The following PARD3 variants were observed in gnomAD, a reference collection of about 807,000 sequenced individuals.
PARD3 encodes the protein partitioning defective 3 homolog.
In PARD3, 75 loss-of-function variants were observed where a neutral mutation model predicts 155.4. That is an observed-to-expected ratio of 0.48 (90% CI 0.40 to 0.58). The LOEUF (loss-of-function observed/expected upper bound fraction) is 0.58. PARD3 is among the 20% of genes least tolerant of loss of function. PARD3 has a pLI of 0.00. For missense variants in PARD3, 1,642 were observed against 1,721.7 expected, an observed-to-expected ratio of 0.95 and a Z score of 0.82; for synonymous variants, 576 against 610.5, an observed-to-expected ratio of 0.94 and a Z score of 0.83.
chr10:34,419,353 C>T (rs1365171805), intron 5 of PARD3, among the ~76,000 whole-genome samples: 1 of 151,934 alleles, frequency 6.6e-6, no homozygotes, highest in Non-Finnish European at 1.5e-5. Flanking sequence ...CCCGCCTCTA[C>T]TAAAAATACA....
At chr10:34,802,927 T>C (rs1842949222) in intron 1 of PARD3, among the ~76,000 whole-genome samples, 1 of 151,846 alleles carries the variant, frequency 6.6e-6, no homozygotes, top group African/African-American at 2.4e-5. Flanking sequence ...CAGGTGGTAT[T>C]AAAAGGTAGG....
chr10:34,701,861 TATA>T (rs2094286367), intron 1 of PARD3, among the ~76,000 whole-genome samples: 1 of 152,094 alleles, frequency 6.6e-6, no homozygotes, highest in Admixed American at 6.5e-5. Context: ...GTCTCTAAAA[TATA>T]ATAATAAAAC....
chr10:34,229,961 G>A (rs931745243), intron 22 of PARD3, among the ~76,000 whole-genome samples: 6 of 152,004 alleles, frequency 3.9e-5, no homozygotes, highest in African/African-American at 1.2e-4. Context: ...GCTCTCAAAC[G>A]AATTCCTATT....
At chr10:34,788,011 T>C (rs1449223303) in intron 1 of PARD3, among the ~76,000 whole-genome samples, 8 of 151,104 alleles carry the variant, frequency 5.3e-5, no homozygotes, top group Non-Finnish European at 8.8e-5. Flanking sequence ...AGCGAATTCC[T>C]GGCTTCAAGC....
At chr10:34,791,368 C>T (rs1841595011) in intron 1 of PARD3, among the ~76,000 whole-genome samples, 1 of 152,162 alleles carries the variant, frequency 6.6e-6, no homozygotes, top group Non-Finnish European at 1.5e-5. Flanking sequence ...TCCAAAGCTC[C>T]CCAGCATCCC....
intron 24 of PARD3, among the ~76,000 whole-genome samples, chr10:34,119,146 A>T (rs1448097229): frequency 6.6e-6 from 1 of 152,198 alleles, no homozygotes; most frequent in East Asian, 1.9e-4. Flanking sequence ...GGACAGTAAG[A>T]GAGTGAGGTT....
chr10:34,229,661 CGTGT>C (rs57319517), intron 22 of PARD3, among the ~76,000 whole-genome samples: 3,595 of 145,686 alleles, frequency 0.025, 167 homozygotes, highest in African/African-American at 0.083. Flanking sequence ...GTTGAGGGTG[CGTGT>C]GTGTGTGTGT....
intron 1 of PARD3, among the ~76,000 whole-genome samples, chr10:34,769,870 C>T: frequency 6.6e-6 from 1 of 151,202 alleles, no homozygotes; most frequent in Non-Finnish European, 1.5e-5. Flanking sequence ...AATTCATACA[C>T]ACACACACAC....
At chr10:34,477,064 A>G (rs2078759414) in intron 3 of PARD3, among the ~76,000 whole-genome samples, 1 of 152,190 alleles carries the variant, frequency 6.6e-6, no homozygotes, top group Non-Finnish European at 1.5e-5. Context: ...TGAATAAAAC[A>G]TGATCTTCTC....
chr10:34,516,553 C>T (rs567385143), intron 3 of PARD3, among the ~76,000 whole-genome samples: 7 of 152,230 alleles, frequency 4.6e-5, no homozygotes, highest in South Asian at 4.1e-4. Context: ...TTTGACACGG[C>T]GGTCTCTTCT....
At position 34,419,246 on chromosome 10, in the gene PARD3, G is replaced by A. The variant is rs565925997; in HGVS notation, c.715-17329C>T. 7.2e-5 allele frequency among the ~76,000 whole-genome samples: 11 copies of A among 152,194 alleles called. No individual in the cohort carries two copies. The East Asian group carries it at 1.2e-3, about 16-fold the overall frequency. Reference sequence around the variant, plus strand: ...TAATGCAAAGAAACAGGCCAGGTGCGGTGGCTCATGCCTGTAATCCCAGCA... The same window carrying A: ...TAATGCAAAGAAACAGGCCAGGTGCAGTGGCTCATGCCTGTAATCCCAGCA... On this transcript the variant is annotated intron_variant, in intron 5 of 24. Transcript: ENST00000374788.
At chr10:34,790,290 A>G (rs1346402552) in intron 1 of PARD3, among the ~76,000 whole-genome samples, 2 of 152,220 alleles carry the variant, frequency 1.3e-5, no homozygotes, top group African/African-American at 4.8e-5. Context: ...TGCTGGCACT[A>G]ATTTACCAAT....
At chr10:34,124,984 A>G (rs536009787) in intron 23 of PARD3, among the ~76,000 whole-genome samples, 28 of 152,234 alleles carry the variant, frequency 1.8e-4, no homozygotes, top group Admixed American at 7.8e-4. Flanking sequence ...GGCAGAATAA[A>G]GTGCTGACTT....
chr10:34,448,090 G>C lies in PARD3; in HGVS notation c.714+2227C>G, dbSNP rs147480167. Among the ~76,000 whole-genome samples the C allele has an allele frequency of 6.3e-3, 958 of 152,062 alleles. 8 individuals are homozygous for C. Among genetic ancestry groups the C allele is most frequent in the African/African-American group, 0.022 (912 of 41,462 alleles). Reference sequence around the variant, plus strand: ...GCCAAGATATGGAAACAACCTAAGTGACCTGCAACCGATGAATGGATAAAG... The same window carrying C: ...GCCAAGATATGGAAACAACCTAAGTCACCTGCAACCGATGAATGGATAAAG... On this transcript the variant is annotated intron_variant, in intron 5 of 24. Transcript: ENST00000374788.
chr10:34,169,452 TATA>T (rs1949686321), intron 22 of PARD3, among the ~76,000 whole-genome samples: 1 of 151,994 alleles, frequency 6.6e-6, no homozygotes, highest in Non-Finnish European at 1.5e-5. Context: ...TACTGACAAA[TATA>T]ATGAGAAACT....
chr10:34,121,273 T>A (rs533305444), intron 23 of PARD3, among the ~76,000 whole-genome samples: 1 of 152,172 alleles, frequency 6.6e-6, no homozygotes, highest in Admixed American at 6.5e-5. Flanking sequence ...AAAGTAGCTG[T>A]GCTCAAAATA....
chr10:34,718,951 G>C (rs1264402424), intron 1 of PARD3, among the ~76,000 whole-genome samples: 1 of 151,572 alleles, frequency 6.6e-6, no homozygotes. Context: ...GGACAAGAGC[G>C]AGACTCAAAA....
intron 23 of PARD3, among the ~76,000 whole-genome samples, chr10:34,125,252 A>C (rs1449693509): frequency 6.6e-6 from 1 of 151,942 alleles, no homozygotes; most frequent in East Asian, 1.9e-4. Flanking sequence ...TTTTTAGTAG[A>C]GACGGGGTTT....
intron 4 of PARD3, among the ~76,000 whole-genome samples, chr10:34,464,667 CTA>C (rs2077890244): frequency 6.6e-6 from 1 of 152,072 alleles, no homozygotes; most frequent in Non-Finnish European, 1.5e-5. Context: ...TAAACATTAA[CTA>C]TAAGAACTCA....
Sources: gnomAD v4.1 joint callset for allele counts (sites outside exome capture counted in the v4.1 genomes callset) on GRCh38, gnomAD v4.1.1 for gene constraint, MANE v1.5 for transcripts, NCBI Gene and HGNC (gene_info 2026-07-23, HGNC 2026-07-21) for gene names.